Variants in COL19A1 observed in about 807,000 individuals in gnomAD.
COL19A1 encodes collagen type XIX alpha 1 chain.
In COL19A1, 159 loss-of-function variants were observed where a neutral mutation model predicts 190.2. The ratio of observed to expected loss-of-function variants is 0.84; its 90% CI spans 0.73 to 0.95. The LOEUF (loss-of-function observed/expected upper bound fraction) is 0.95, where lower values mean the gene tolerates loss of function less well. Among genes scored for constraint, COL19A1 ranks in the 40% least tolerant of loss-of-function variants. The probability of loss-of-function intolerance (pLI) is 0.00; values close to 1 mark genes in which losing one functional copy is unlikely to be tolerated. For synonymous variants in COL19A1, 509 were observed against 458.9 expected, an observed-to-expected ratio of 1.11 and a Z score of -1.39; for missense variants, 1,418 against 1,431.9, an observed-to-expected ratio of 0.99 and a Z score of 0.16.
intron 16 of COL19A1, among the ~76,000 whole-genome samples, chr6:70,114,098 G>A (rs1273025279): frequency 6.6e-6 from 1 of 151,936 alleles, no homozygotes; most frequent in African/African-American, 2.4e-5. Flanking sequence ...CAATCTGCCC[G>A]TCTTGGCCTC....
chr6:69,959,441 A>G (rs1774636485), intron 9 of COL19A1, among the ~76,000 whole-genome samples: 2 of 152,166 alleles, frequency 1.3e-5, no homozygotes, highest in Admixed American at 1.3e-4. Context: ...AAGTCACTTA[A>G]AGCCAGAATT....
intron 4 of COL19A1, among the ~76,000 whole-genome samples, chr6:69,905,935 A>G (rs755244102): frequency 1.3e-5 from 2 of 152,304 alleles, no homozygotes; most frequent in African/African-American, 4.8e-5. Flanking sequence ...TTGGCTTCTT[A>G]TATCTCCAAG....
At chr6:70,143,556 C>A (rs1394922205) in intron 23 of COL19A1, among the ~76,000 whole-genome samples, 1 of 152,020 alleles carries the variant, frequency 6.6e-6, no homozygotes, top group Non-Finnish European at 1.5e-5. Flanking sequence ...TTTTCATGCC[C>A]TGGGAACAGC....
intron 16 of COL19A1, among the ~76,000 whole-genome samples, chr6:70,103,596 A>G (rs1210805100): frequency 6.6e-6 from 1 of 151,850 alleles, no homozygotes; most frequent in African/African-American, 2.4e-5. Context: ...GTAATCAGTA[A>G]TCTTCGCTTA....
chr6:70,128,556 G>T (rs1290113649), intron 17 of COL19A1, among the ~76,000 whole-genome samples: 1 of 152,198 alleles, frequency 6.6e-6, no homozygotes, highest in East Asian at 1.9e-4. Context: ...CCACATCAGT[G>T]GACTGATCGG....
intron 16 of COL19A1, among the ~76,000 whole-genome samples, chr6:70,113,555 T>G (rs1330371990): frequency 3.9e-5 from 6 of 152,198 alleles, no homozygotes. Context: ...TTTGACTATA[T>G]TTATTTTTTC....
chr6:70,130,141 C>A lies in COL19A1; in HGVS notation c.1342-41C>A, dbSNP rs537937309. Reference sequence around the variant, plus strand: ...ACAGATTGAATGTGTTAAAAATTAGCGGATTTTTCTTTTGTATTTTAAATT... The same window carrying A: ...ACAGATTGAATGTGTTAAAAATTAGAGGATTTTTCTTTTGTATTTTAAATT... On this transcript the variant is annotated intron_variant, in intron 17 of 50. Transcript: ENST00000620364. 2.5e-6 allele frequency: 4 copies of A among 1,604,430 alleles called. No individual in the cohort carries two copies. The African/African-American group carries it at 5.4e-5, about 22-fold the overall frequency.
chr6:70,159,001 G>T (rs190648465), intron 34 of COL19A1, among the ~76,000 whole-genome samples: 3 of 151,964 alleles, frequency 2.0e-5, no homozygotes, highest in African/African-American at 7.2e-5. Context: ...AAAGGCTGAT[G>T]GGAATGATTT....
At chr6:69,978,412 A>G (rs1227334189) in intron 11 of COL19A1, among the ~76,000 whole-genome samples, 4 of 152,074 alleles carry the variant, frequency 2.6e-5, no homozygotes, top group Non-Finnish European at 5.9e-5. Context: ...CTTAAGTTGA[A>G]AAGTAGACAT....
Position 70,144,131 on chromosome 6 carries a change from C to A in COL19A1, c.1627-79C>A, listed in dbSNP as rs1786451638. ...ATATGTTAAAATTCTGTTCTCTTGACAGAGATTCACAGATATAGGGAAATG... is the reference window on the plus strand; with the variant it reads ...ATATGTTAAAATTCTGTTCTCTTGAAAGAGATTCACAGATATAGGGAAATG... On this transcript the variant is annotated intron_variant, in intron 23 of 50. Transcript: ENST00000620364. 3.2e-6 allele frequency: 4 copies of A among 1,258,020 alleles called. No homozygotes were observed. The South Asian group carries it at 5.3e-5, about 17-fold the overall frequency. 77.9% of individuals were successfully genotyped at this position (1,258,020 alleles called of 1,614,324 possible).
chr6:70,037,248 C>G (rs138327744), intron 14 of COL19A1, among the ~76,000 whole-genome samples: 2 of 152,110 alleles, frequency 1.3e-5, no homozygotes, highest in South Asian at 4.1e-4. Flanking sequence ...CTCCGCCTCC[C>G]GGGTTCAAGC....
intron 33 of COL19A1, 143 bp downstream of exon 33, chr6:70,156,512 A>C: frequency 9.8e-7 from 1 of 1,023,012 alleles, no homozygotes; most frequent in Non-Finnish European, 1.4e-6. Flanking sequence ...AGAGAGAGAG[A>C]GAAAGTGATG....
chr6:69,970,241 T>G (rs1377939223), intron 11 of COL19A1, among the ~76,000 whole-genome samples: 5 of 152,224 alleles, frequency 3.3e-5, no homozygotes, highest in Non-Finnish European at 7.3e-5. Context: ...ACTTCATTTT[T>G]TTCCTTCTCC....
At chr6:70,086,096 C>T (rs1322622505) in intron 15 of COL19A1, among the ~76,000 whole-genome samples, 1 of 152,114 alleles carries the variant, frequency 6.6e-6, no homozygotes, top group African/African-American at 2.4e-5. Context: ...CCCCAGTATA[C>T]ACAACCTCAA....
chr6:70,019,829 T>G (rs1308940404), intron 11 of COL19A1, among the ~76,000 whole-genome samples: 3 of 152,132 alleles, frequency 2.0e-5, no homozygotes, highest in Non-Finnish European at 4.4e-5. Context: ...TTTTCTTTAA[T>G]TCTAGCTTAA....
intron 11 of COL19A1, among the ~76,000 whole-genome samples, chr6:70,016,366 T>TTAA (rs1554189059): frequency 5.3e-5 from 2 of 37,640 alleles, no homozygotes; most frequent in Admixed American, 2.9e-4. Flanking sequence ...TAGAGTATAA[T>TTAA]AAAAAAAAAA....
intron 2 of COL19A1, among the ~76,000 whole-genome samples, chr6:69,882,070 T>TAATTGAATATTGTCATATTGTA (rs1768597114): frequency 6.6e-6 from 1 of 152,206 alleles, no homozygotes; most frequent in East Asian, 1.9e-4. Flanking sequence ...AGTCTAGGGT[T>TAATTGAATATTGTCATATTGTA]TCAGGGCTGG....
intron 48 of COL19A1, among the ~76,000 whole-genome samples, chr6:70,196,175 C>T (rs565518114): frequency 1.3e-5 from 2 of 152,248 alleles, no homozygotes; most frequent in African/African-American, 4.8e-5. Context: ...TAAAATATCA[C>T]AGGAAATTAC....
chr6:70,145,608 A>G lies in COL19A1; in HGVS notation c.1770+601A>G, dbSNP rs534900026. 1.2e-3 allele frequency among the ~76,000 whole-genome samples: 188 copies of G among 152,286 alleles called. 1 individual carries two copies. The highest frequency in any genetic ancestry group is 4.4e-3 in the African/African-American group (181 of 41,564). ...CCTTGGGTAGTGGGATCATTCACAC[A>G]ATAAACCTGAGCAACATGCAATTTA... On this transcript the variant is annotated intron_variant, in intron 25 of 50. Coordinates refer to ENST00000620364, the MANE Select transcript of COL19A1 (RefSeq NM_001858.6).
Sources: gnomAD v4.1 joint callset for allele counts (sites outside exome capture counted in the v4.1 genomes callset) on GRCh38, gnomAD v4.1.1 for gene constraint, MANE v1.5 for transcripts, NCBI Gene and HGNC (gene_info 2026-07-23, HGNC 2026-07-21) for gene names.